Variants in MYO6 observed in about 807,000 individuals in gnomAD.
MYO6 encodes unconventional myosin-VI.
Under a neutral mutation model 178.7 loss-of-function variants are expected in MYO6, and 74 were observed. The observed-to-expected ratio is 0.41, with a 90% confidence interval of 0.34 to 0.50. The LOEUF (loss-of-function observed/expected upper bound fraction) is 0.50. Among genes scored for constraint, MYO6 ranks in the 20% least tolerant of loss-of-function variants. MYO6 has a pLI of 0.09. For missense variants in MYO6, 1,330 were observed against 1,547.4 expected (o/e 0.86, Z 2.36); for synonymous variants, 477 against 504.6 (o/e 0.95, Z 0.73).
intron 6 of MYO6, among the ~76,000 whole-genome samples, chr6:75,834,308 C>G (rs994641904): frequency 6.6e-6 from 1 of 152,122 alleles, no homozygotes; most frequent in Non-Finnish European, 1.5e-5. Context: ...TCATAGCTCA[C>G]TGCATCCTCG....
rs945721387 is a variant in MYO6, at chr6:75,791,219, C to T, written c.-47-26282C>T. 7.2e-5 allele frequency among the ~76,000 whole-genome samples: 11 copies of T among 152,310 alleles called. 1 individual carries two copies. The highest frequency in any genetic ancestry group is 2.4e-4 in the African/African-American group (10 of 41,572). On this transcript the variant is annotated intron_variant, in intron 1 of 34. Transcript: ENST00000369977. ...AAGTGCTGGGATTAAAGGTGTGAGC[C>T]ACCGTGCCCGGCCTAATAGCTGTAT...
At chr6:75,775,205 C>T (rs553643845) in intron 1 of MYO6, among the ~76,000 whole-genome samples, 3 of 152,268 alleles carry the variant, frequency 2.0e-5, no homozygotes, top group African/African-American at 7.2e-5. Flanking sequence ...GAGTTCTCTC[C>T]ATTAAGTATA....
chr6:75,880,165 A>G (rs1270918890), intron 22 of MYO6, 45 bp downstream of exon 22: 1 of 1,376,556 alleles, frequency 7.3e-7, no homozygotes, highest in Non-Finnish European at 1.0e-6. Context: ...CATGAAAACA[A>G]ATAGTTGGGG....
intron 1 of MYO6, among the ~76,000 whole-genome samples, chr6:75,814,864 CAAAA>C (rs113864154): frequency 1.9e-5 from 2 of 102,914 alleles, no homozygotes; most frequent in Non-Finnish European, 4.2e-5. Context: ...GACCCAGTCT[CAAAA>C]AAAAAAAAAA....
chr6:75,916,303 T>G lies in MYO6; in HGVS notation c.*1291T>G, dbSNP rs1781117103. 6.6e-6 allele frequency: 1 copy of G among 152,322 alleles called. No individual in the cohort carries two copies. Among genetic ancestry groups the G allele is most frequent in the Admixed American group, 6.5e-5 (1 of 15,272 alleles). 9.4% of individuals were successfully genotyped at this position (152,322 alleles called of 1,614,324 possible). On this transcript the variant is annotated 3_prime_UTR_variant, in exon 35 of 35. Coordinates refer to ENST00000369977, the MANE Select transcript of MYO6 (RefSeq NM_004999.4). ...TTTGAAATGAAATTCCAGTGATTTC[T>G]TTTTTCCCTAGAAAGATTACCTCAG...
rs183555670 is a variant in MYO6, at chr6:75,777,834, G to A, written c.-48+28411G>A. The stretch of plus-strand genomic sequence containing the variant: ...AGAAAAAAGTATTCTTTGTTCTTCA[G>A]TTTCCAGAATGAAATTATTTGAAGG... On this transcript the variant is annotated intron_variant, in intron 1 of 34. Coordinates refer to ENST00000369977, the MANE Select transcript of MYO6 (RefSeq NM_004999.4). 7.6e-3 allele frequency among the ~76,000 whole-genome samples: 1,159 copies of A among 152,136 alleles called. 41 individuals carry two copies. Among genetic ancestry groups the A allele is most frequent in the Admixed American group, 0.063 (960 of 15,274 alleles).
chr6:75,761,482 G>C (rs555876232), intron 1 of MYO6, among the ~76,000 whole-genome samples: 1 of 152,168 alleles, frequency 6.6e-6, no homozygotes, highest in South Asian at 2.1e-4. Flanking sequence ...GTGAGGATAA[G>C]TTAGGAATTT....
intron 3 of MYO6, among the ~76,000 whole-genome samples, chr6:75,826,968 T>C (rs1772537993): frequency 6.6e-6 from 1 of 152,064 alleles, no homozygotes; most frequent in African/African-American, 2.4e-5. Flanking sequence ...ATTAAATGAT[T>C]ATAGATGGAT....
intron 1 of MYO6, among the ~76,000 whole-genome samples, chr6:75,754,381 G>A (rs573304382): frequency 5.3e-5 from 8 of 151,908 alleles, no homozygotes; most frequent in Non-Finnish European, 1.0e-4. Context: ...TTAGCTGGGT[G>A]TGGTGGTGGG....
chr6:75,862,185 T>C, intron 15 of MYO6, among the ~76,000 whole-genome samples: 1 of 152,246 alleles, frequency 6.6e-6, no homozygotes, highest in East Asian at 1.9e-4. Context: ...CAGATTTTGT[T>C]TGAAAGCGTT....
chr6:75,879,748 A>G, intron 20 of MYO6, 72 bp from the exon 21 acceptor site: 4 of 1,609,920 alleles, frequency 2.5e-6, no homozygotes, highest in Non-Finnish European at 3.4e-6. Flanking sequence ...TCTTACAAAA[A>G]TGATCATTCA....
intron 11 of MYO6, among the ~76,000 whole-genome samples, chr6:75,853,900 C>T (rs1350534150): frequency 6.6e-6 from 1 of 151,436 alleles, no homozygotes; most frequent in African/African-American, 2.4e-5. Flanking sequence ...TACATAACCT[C>T]ATTAATCTAA....
intron 17 of MYO6, 99 bp from the exon 18 acceptor site, chr6:75,866,833 A>G: frequency 7.5e-7 from 1 of 1,336,814 alleles, no homozygotes; most frequent in African/African-American, 1.4e-5. Context: ...GCAGATACAG[A>G]ACATTTCTGT....
rs72654778 is a variant in MYO6 at position 75,814,544 on chromosome 6, C to T, written c.-47-2957C>T. Among the ~76,000 whole-genome samples the T allele has an allele frequency of 0.013, 1,989 of 152,120 alleles. 75 individuals are homozygous for T. The East Asian group carries it at 0.15, about 11-fold the overall frequency. ...TGTTTTGATTACAAGTGTGAGCCAC[C>T]GTTCCTGGCTGAGCGTAGGATTTGA... is the stretch of plus-strand genomic sequence containing the variant. On this transcript the variant is annotated intron_variant, in intron 1 of 34. Transcript: ENST00000369977.
chr6:75,904,892 G>A (rs1408631976), intron 30 of MYO6, among the ~76,000 whole-genome samples: 1 of 152,178 alleles, frequency 6.6e-6, no homozygotes, highest in Non-Finnish European at 1.5e-5. Flanking sequence ...ATGGTGATGT[G>A]CAGATGGGTT....
intron 31 of MYO6, among the ~76,000 whole-genome samples, chr6:75,907,977 T>G (rs964878990): frequency 3.3e-5 from 5 of 152,214 alleles, no homozygotes; most frequent in African/African-American, 4.8e-5. Flanking sequence ...CATAGTTATG[T>G]TCTTATTTAA....
intron 3 of MYO6, among the ~76,000 whole-genome samples, chr6:75,824,754 C>T (rs968816023): frequency 8.1e-5 from 12 of 147,364 alleles, no homozygotes; most frequent in Non-Finnish European, 1.2e-4. Context: ...ACCTACTTTT[C>T]GGTCTAAATT....
intron 19 of MYO6, among the ~76,000 whole-genome samples, chr6:75,871,170 G>T (rs963358561): frequency 2.6e-5 from 4 of 152,112 alleles, no homozygotes; most frequent in African/African-American, 7.2e-5. Context: ...ATCATAGAAA[G>T]AAATTATATG....
At chr6:75,851,352 G>A (rs1290480438) in intron 11 of MYO6, among the ~76,000 whole-genome samples, 1 of 152,172 alleles carries the variant, frequency 6.6e-6, no homozygotes, top group East Asian at 1.9e-4. Context: ...AGATTAATAT[G>A]TGATTCAATT....
Sources: allele counts gnomAD v4.1 joint callset (sites outside exome capture counted in the v4.1 genomes callset), GRCh38; gene constraint gnomAD v4.1.1; transcripts MANE v1.5; gene names NCBI Gene and HGNC (gene_info 2026-07-23, HGNC 2026-07-21).